HSD17B1: variants seen among roughly 807,000 people sequenced by gnomAD.
The protein encoded by HSD17B1 is 17-beta-hydroxysteroid dehydrogenase type 1.
In HSD17B1, 16 loss-of-function variants were observed where a neutral mutation model predicts 22.7. That is an observed-to-expected ratio of 0.71 (90% confidence interval 0.48 to 1.07). The LOEUF (loss-of-function observed/expected upper bound fraction) is 1.07. Ranked by LOEUF, HSD17B1 falls within the 50% of genes least tolerant of loss-of-function variation. The pLI, the probability that HSD17B1 is intolerant of heterozygous loss-of-function variation, is 0.00. For missense variants in HSD17B1, 533 were observed against 459.9 expected (o/e 1.16, Z -1.45); for synonymous variants, 243 against 211.0 (o/e 1.15, Z -1.31).
chr17:42,554,141 G>A (rs1268025167), intron 4 of HSD17B1: 8 of 641,872 alleles, frequency 1.2e-5, no homozygotes, highest in Middle Eastern at 2.9e-4. Context: ...AGGTCACACA[G>A]CGGCCAGGGA....
chr17:42,553,715 G>C, intron 3 of HSD17B1, 79 bp from the exon 4 acceptor site: 3 of 1,592,900 alleles, frequency 1.9e-6, no homozygotes, highest in South Asian at 1.1e-5. Flanking sequence ...GTGGGGTGCC[G>C]TCAGCTTGGA....
Position 42,553,760 on chromosome 17 carries a change from G to C in HSD17B1, c.446-34G>C, listed in dbSNP as rs531762225. 2.5e-6 allele frequency: 4 copies of C among 1,605,622 alleles called. No homozygotes were observed. The East Asian group carries it at 9.0e-5, about 36-fold the overall frequency. On this transcript the variant is annotated intron_variant, in intron 3 of 5. Coordinates refer to ENST00000585807, the MANE Select transcript of HSD17B1 (RefSeq NM_000413.4). ...TCTGCCCGGGGATGACCCCCTGGCC[G>C]CTGCGCCTCAGGAACCTCGTCTCCC...
chr17:42,553,281 G>A lies in HSD17B1; in HGVS notation c.255G>A (p.Val85=), dbSNP rs1358739349. The change falls in exon 2 of 6, where the codon GTG becomes GTA. Residue 85 remains valine (V), a synonymous_variant. Transcript: ENST00000585807. ...GGGAACGCGTGACTGAGGGCCGCGT[G>A]GACGTGCTGGGTGAGCCTCCTGGAA... ...AARERVTEGR[V]DVLVCNAGLG... is the part of the protein sequence containing the mutation. 5 of 1,608,170 alleles carry A rather than the reference G, an allele frequency of 3.1e-6. 1 individual carries two copies. The South Asian group carries it at 5.5e-5, about 18-fold the overall frequency.
chr17:42,553,833 C>A lies in HSD17B1; in HGVS notation c.485C>A (p.Ala162Glu). The change falls in exon 4 of 6, where the codon GCG (alanine) becomes GAG (glutamate). Residue 162 changes from alanine (A) to glutamate (E), a missense_variant. Coordinates refer to ENST00000585807, the MANE Select transcript of HSD17B1 (RefSeq NM_000413.4). ...GACGTTTATTGCGCCAGCAAGTTCGCGCTCGAAGGCTTATGCGAGAGTCTG... is the reference window on the plus strand; with the variant it reads ...GACGTTTATTGCGCCAGCAAGTTCGAGCTCGAAGGCTTATGCGAGAGTCTG... ...FNDVYCASKF[A>E]LEGLCESLAV... is the part of the protein sequence containing the mutation. 6.2e-7 allele frequency: 1 copy of A among 1,613,408 alleles called. No individual in the cohort carries two copies. Among genetic ancestry groups the A allele is most frequent in the Non-Finnish European group, 8.5e-7 (1 of 1,179,674 alleles).
At position 42,554,934 on chromosome 17, in the gene HSD17B1, A is replaced by T. The variant is rs1167734304; in HGVS notation, c.983A>T (p.Gln328Leu). Reference sequence around the variant, plus strand: ...CTCGGCGATCCTCCGGCCGCCCCGCAGTAAAGGCTTCCTCAGCCGCTGTCT... The same window carrying T: ...CTCGGCGATCCTCCGGCCGCCCCGCTGTAAAGGCTTCCTCAGCCGCTGTCT... ...PELGDPPAAP[Q>L] The change falls in exon 6 of 6, where the codon CAG becomes CTG. Residue 328 changes from glutamine to leucine, a missense_variant. Gln to Leu is a moderately radical substitution (Grantham distance 113). Coordinates refer to ENST00000585807, the MANE Select transcript of HSD17B1 (RefSeq NM_000413.4). 2 of 1,466,276 alleles carry T rather than the reference A, an allele frequency of 1.4e-6. No individual in the cohort carries two copies. Among genetic ancestry groups the T allele is most frequent in the Non-Finnish European group, 1.8e-6 (2 of 1,117,614 alleles). 90.8% of individuals were successfully genotyped at this position (1,466,276 alleles called of 1,614,324 possible). A position where few individuals can be genotyped will look rare whatever the true frequency, so the allele number is the denominator to read the frequency against.
chr17:42,554,039 G>A, intron 4 of HSD17B1, 152 bp downstream of exon 4: 1 of 730,502 alleles, frequency 1.4e-6, no homozygotes. Flanking sequence ...CTGGGCGCAT[G>A]GCACGCATTG....
chr17:42,553,607 G>T lies in HSD17B1; in HGVS notation c.434G>T (p.Gly145Val). 6.2e-7 allele frequency: 1 copy of T among 1,607,794 alleles called. No homozygotes were observed. Among genetic ancestry groups the T allele is most frequent in the Non-Finnish European group, 8.5e-7 (1 of 1,177,244 alleles). ...CGCGTGTTGGTGACCGGGAGCGTGG[G>T]AGGATTGATGGGTGAGTGGTAGGGA... ...SGRVLVTGSV[G>V]GLMGLPFNDV... Residue 145 changes from glycine (G) to valine (V), a missense_variant, in exon 3 of 6, where the codon GGA becomes GTA. Physicochemically the swap from Gly to Val is moderately radical, Grantham distance 109. Coordinates refer to ENST00000585807, the MANE Select transcript of HSD17B1 (RefSeq NM_000413.4).
At chr17:42,553,737 T>G in intron 3 of HSD17B1, 57 bp from the exon 4 acceptor site, 1 of 1,596,168 alleles carries the variant, frequency 6.3e-7, no homozygotes, top group African/African-American at 1.3e-5. Context: ...GGGCACCGTC[T>G]GCCCGGGGAT....
At chr17:42,553,958 G>A in intron 4 of HSD17B1, 71 bp downstream of exon 4, 1 of 1,343,168 alleles carries the variant, frequency 7.4e-7, no homozygotes, top group Non-Finnish European at 1.0e-6. Context: ...CTGTCCTGCG[G>A]GAGCCGCTCT....
In HSD17B1 at chr17:42,553,089, G is replaced by A. The variant is rs545188573; in HGVS notation, c.98-35G>A. ...GGAGGAGCCCTTGGAGGCCAGAAGG[G>A]AAGTCAGATCTTCCTCCTCTCCCAA... On this transcript the variant is annotated intron_variant, in intron 1 of 5. Transcript: ENST00000585807. The A allele has an allele frequency of 3.4e-5, 55 of 1,613,990 alleles. No individual in the cohort carries two copies. The South Asian group carries it at 4.9e-4, about 14-fold the overall frequency.
In HSD17B1 at chr17:42,553,832, G is replaced by A. The variant is rs149630844; in HGVS notation, c.484G>A (p.Ala162Thr). 8.7e-6 allele frequency: 14 copies of A among 1,613,504 alleles called. No homozygotes were observed. In the African/African-American group the frequency reaches 1.7e-4, roughly 20 times the overall value. The change falls in exon 4 of 6, where the codon GCG becomes ACG. Residue 162 changes from alanine (A) to threonine (T), a missense_variant. Physicochemically the swap from Ala to Thr is moderately conservative, Grantham distance 58. Transcript: ENST00000585807. ...FNDVYCASKF[A>T]LEGLCESLAV... ...TGACGTTTATTGCGCCAGCAAGTTC[G>A]CGCTCGAAGGCTTATGCGAGAGTCT...
chr17:42,553,406 G>C lies in HSD17B1; in HGVS notation c.266-33G>C. On this transcript the variant is annotated intron_variant, in intron 2 of 5. Coordinates refer to ENST00000585807, the MANE Select transcript of HSD17B1 (RefSeq NM_000413.4). Reference sequence around the variant, plus strand: ...GACAGGCCGTGCTGAGGGTGATGCTGAGGCGGGCTGGTCGGGCCTCTTGTC... The same window carrying C: ...GACAGGCCGTGCTGAGGGTGATGCTCAGGCGGGCTGGTCGGGCCTCTTGTC... The C allele has an allele frequency of 1.9e-6, 3 of 1,608,950 alleles. No individual in the cohort carries two copies. In the South Asian group the frequency reaches 3.3e-5, roughly 18 times the overall value.
Position 42,553,009 on chromosome 17 carries a change from G to C in HSD17B1, c.76G>C (p.Asp26His). ...GCACTTGGCCGTACGTCTGGCTTCA[G>C]ATCCATCCCAGAGCTTCAAAGGTAT... is the stretch of plus-strand genomic sequence containing the variant. The part of the protein sequence containing the change: ...GLHLAVRLAS[D>H]PSQSFKVYAT... Residue 26 changes from aspartate to histidine, a missense_variant, in exon 1 of 6, where the codon GAT (aspartate) becomes CAT (histidine). Coordinates refer to ENST00000585807, the MANE Select transcript of HSD17B1 (RefSeq NM_000413.4). The C allele has an allele frequency of 6.2e-7, 1 of 1,614,124 alleles. No individual in the cohort carries two copies. Among genetic ancestry groups the C allele is most frequent in the Non-Finnish European group, 8.5e-7 (1 of 1,180,000 alleles).
Position 42,553,451 on chromosome 17 carries a change from G to A in HSD17B1, c.278G>A (p.Gly93Asp), listed in dbSNP as rs759251242. 2 of 1,612,884 alleles carry A rather than the reference G, an allele frequency of 1.2e-6. No homozygotes were observed. The highest frequency in any genetic ancestry group is 2.2e-5 in the South Asian group (2 of 91,070). The change falls in exon 3 of 6, where the codon GGC becomes GAC. Residue 93 changes from glycine (G) to aspartate (D), a missense_variant. By Grantham distance (94) the Gly-to-Asp change is moderately conservative. Transcript: ENST00000585807. ...GRVDVLVCNA[G>D]LGLLGPLEAL... is the part of the protein sequence containing the mutation. ...CTTGTCTCCGCAGTGTGTAACGCAG[G>A]CCTGGGCCTGCTGGGGCCGCTGGAG...
chr17:42,553,706 T>G (rs610177), intron 3 of HSD17B1, 88 bp downstream of exon 3: 891,599 of 1,592,010 alleles, frequency 0.56, 251,593 homozygotes, highest in African/African-American at 0.64. Flanking sequence ...GGGGGTGGAG[T>G]GGGGTGCCGT....
rs2092949484 is a variant in HSD17B1, at chr17:42,553,233, C to T, written c.207C>T (p.Asp69=). Reference sequence around the variant, plus strand: ...AGACGTTGCAGCTGGACGTAAGGGACTCAAAATCCGTGGCCGCTGCCCGGG... The same window carrying T: ...AGACGTTGCAGCTGGACGTAAGGGATTCAAAATCCGTGGCCGCTGCCCGGG... ...SLETLQLDVR[D]SKSVAAARER... Residue 69 remains aspartate, a synonymous_variant, in exon 2 of 6, where the codon GAC becomes GAT. Coordinates refer to ENST00000585807, the MANE Select transcript of HSD17B1 (RefSeq NM_000413.4). 2 of 1,613,514 alleles carry T rather than the reference C, an allele frequency of 1.2e-6. No homozygotes were observed. The highest frequency in any genetic ancestry group is 1.7e-6 in the Non-Finnish European group (2 of 1,180,028).
rs61743701 is a variant in HSD17B1 at position 42,552,940 on chromosome 17, C to G, written c.7C>G (p.Arg3Gly). The G allele has an allele frequency of 3.1e-6, 5 of 1,613,968 alleles. No homozygotes were observed. Among genetic ancestry groups the G allele is most frequent in the Non-Finnish European group, 4.2e-6 (5 of 1,179,942 alleles). MARTVVLITGCSS... is the reference protein window; with the variant it reads MAGTVVLITGCSS... ...CTCTCCCCACAGTCTCACCATGGCC[C>G]GCACCGTGGTGCTCATCACCGGCTG... Residue 3 changes from arginine (R) to glycine (G), a missense_variant, in exon 1 of 6, where the codon CGC (arginine) becomes GGC (glycine). By Grantham distance (125) the Arg-to-Gly change is moderately radical. Transcript: ENST00000585807.
chr17:42,554,931 C>A lies in HSD17B1; in HGVS notation c.980C>A (p.Pro327Gln). ...DPELGDPPAAPQ is the reference protein window; with the variant it reads ...DPELGDPPAAQQ The stretch of plus-strand genomic sequence containing the variant: ...GAGCTCGGCGATCCTCCGGCCGCCC[C>A]GCAGTAAAGGCTTCCTCAGCCGCTG... Residue 327 changes from proline to glutamine, a missense_variant, in exon 6 of 6, where the codon CCG (proline) becomes CAG (glutamine). By Grantham distance (76) the Pro-to-Gln change is moderately conservative. Transcript: ENST00000585807. The A allele has an allele frequency of 6.8e-7, 1 of 1,470,766 alleles. No homozygotes were observed. Among genetic ancestry groups the A allele is most frequent in the South Asian group, 1.4e-5 (1 of 72,802 alleles). 91.1% of individuals were successfully genotyped at this position (1,470,766 alleles called of 1,614,324 possible). A position where few individuals can be genotyped will look rare whatever the true frequency, so the allele number is the denominator to read the frequency against.
rs1186373002 is a variant in HSD17B1 at position 42,553,046 on chromosome 17, G to T, written c.97+16G>T. The T allele has an allele frequency of 6.2e-7, 1 of 1,614,028 alleles. No homozygotes were observed. Among genetic ancestry groups the T allele is most frequent in the Non-Finnish European group, 8.5e-7 (1 of 1,180,016 alleles). ...AGCTTCAAAGGTATAGATAGGCAGG[G>T]ACAGGGAGGGAGAGAAGGGAGGAGC... On this transcript the variant is annotated intron_variant, in intron 1 of 5. Coordinates refer to ENST00000585807, the MANE Select transcript of HSD17B1 (RefSeq NM_000413.4).
Sources: allele counts gnomAD v4.1 joint callset, GRCh38; gene constraint gnomAD v4.1.1; transcripts MANE v1.5; gene names NCBI Gene and HGNC (gene_info 2026-07-23, HGNC 2026-07-21).